The following SAE1 variants were observed in gnomAD, a reference collection of about 807,000 sequenced individuals.
The protein encoded by SAE1 is SUMO1 activating enzyme subunit 1, also known as SUMO-activating enzyme subunit 1.
Under a neutral mutation model 40.6 loss-of-function variants are expected in SAE1, and 11 were observed. That is an observed-to-expected ratio of 0.27 (90% CI 0.17 to 0.45). SAE1 has a LOEUF of 0.45. Ranked by LOEUF, SAE1 falls within the 20% of genes least tolerant of loss-of-function variation. SAE1 has a pLI of 1.00. For missense variants in SAE1, 373 were observed against 427.3 expected, an observed-to-expected ratio of 0.87 and a Z score of 1.12; for synonymous variants, 155 against 154.3, an observed-to-expected ratio of 1.00 and a Z score of -0.03.
intron 5 of SAE1, among the ~76,000 whole-genome samples, chr19:47,165,645 T>C (rs998890218): frequency 2.6e-5 from 4 of 152,194 alleles, no homozygotes; most frequent in African/African-American, 7.2e-5. Context: ...CGGGTGTATT[T>C]TTTCTTTATA....
chr19:47,158,075 C>G (rs1568592765), intron 5 of SAE1, among the ~76,000 whole-genome samples: 1 of 135,790 alleles, frequency 7.4e-6, no homozygotes, highest in Non-Finnish European at 1.5e-5. Flanking sequence ...GGGTTGTGCT[C>G]AGAGAGTGCA....
intron 2 of SAE1, among the ~76,000 whole-genome samples, chr19:47,144,856 G>T (rs747041045): frequency 2.0e-5 from 3 of 152,150 alleles, no homozygotes; most frequent in African/African-American, 7.2e-5. Flanking sequence ...TTTGCGAGAC[G>T]AGTCTTGCTG....
intron 6 of SAE1, among the ~76,000 whole-genome samples, chr19:47,181,058 T>G (rs1484584675): frequency 2.6e-5 from 4 of 152,122 alleles, no homozygotes; most frequent in Admixed American, 1.3e-4. Flanking sequence ...GGCTCACGCC[T>G]ATAATCCCAG....
intron 6 of SAE1, among the ~76,000 whole-genome samples, chr19:47,189,910 A>T (rs2058568997): frequency 6.6e-6 from 1 of 152,230 alleles, no homozygotes; most frequent in South Asian, 2.1e-4. Flanking sequence ...GATTCCCGTT[A>T]TAGCGCTAAC....
chr19:47,144,699 A>G (rs879395988), intron 2 of SAE1, among the ~76,000 whole-genome samples: 6 of 152,042 alleles, frequency 3.9e-5, no homozygotes, highest in Non-Finnish European at 8.8e-5. Flanking sequence ...ACTCCGTTTC[A>G]ACAACAACAA....
rs1390388705 is a variant in SAE1, at chr19:47,155,131, C to T, written c.545C>T (p.Ala182Val). The stretch of plus-strand genomic sequence containing the variant: ...CCCTCTAGGGAGAAAACTAAAGTTG[C>T]CAAAGTTAGCCAAGGAGTAGAAGAT... Reference protein sequence around the residue: ...HEFVEEKTKVAKVSQGVEDGP... With the variant: ...HEFVEEKTKVVKVSQGVEDGP... Residue 182 changes from alanine to valine, a missense_variant, in exon 5 of 9, where the codon GCC (alanine) becomes GTC (valine). Around this residue, in one of 3 missense-constraint regions of SAE1, gnomAD observed 351 missense variants for 390.6 expected, o/e 0.90. Transcript: ENST00000270225. 6.2e-7 allele frequency: 1 copy of T among 1,612,712 alleles called. No homozygotes were observed. The highest frequency in any genetic ancestry group is 2.2e-5 in the East Asian group (1 of 44,874).
At chr19:47,199,532 T>C (rs1350901684) in intron 7 of SAE1, among the ~76,000 whole-genome samples, 1 of 152,208 alleles carries the variant, frequency 6.6e-6, no homozygotes, top group East Asian at 1.9e-4. Flanking sequence ...AGCAGCTCGT[T>C]AGGCTGTGGC....
chr19:47,136,942 C>T (rs912767559), intron 1 of SAE1, among the ~76,000 whole-genome samples: 1 of 152,128 alleles, frequency 6.6e-6, no homozygotes, highest in Non-Finnish European at 1.5e-5. Flanking sequence ...TAGGAGAACT[C>T]TGGAGACTGG....
intron 6 of SAE1, among the ~76,000 whole-genome samples, chr19:47,186,707 C>T (rs893151330): frequency 3.3e-5 from 5 of 152,100 alleles, no homozygotes; most frequent in African/African-American, 7.2e-5. Context: ...ATGCAAATAG[C>T]GAGGCACAGC....
chr19:47,157,861 A>G (rs1335790570), intron 5 of SAE1, among the ~76,000 whole-genome samples: 1 of 152,022 alleles, frequency 6.6e-6, no homozygotes, highest in Non-Finnish European at 1.5e-5. Flanking sequence ...GGGATTCCAA[A>G]CCTTGCCTTT....
chr19:47,156,670 C>T (rs2058326590), intron 5 of SAE1, among the ~76,000 whole-genome samples: 1 of 152,048 alleles, frequency 6.6e-6, no homozygotes, highest in African/African-American at 2.4e-5. Flanking sequence ...AGGTGTGTGC[C>T]ACCACACCCA....
intron 5 of SAE1, among the ~76,000 whole-genome samples, chr19:47,155,669 T>A (rs2058318355): frequency 6.6e-6 from 1 of 151,798 alleles, no homozygotes; most frequent in African/African-American, 2.4e-5. Context: ...CTCGAACTCC[T>A]GACCTCAGGT....
At chr19:47,149,559 C>T (rs2058274881) in intron 2 of SAE1, among the ~76,000 whole-genome samples, 1 of 152,170 alleles carries the variant, frequency 6.6e-6, no homozygotes, top group Non-Finnish European at 1.5e-5. Context: ...TAGTTGGGCA[C>T]ATGCTAAGTA....
In SAE1 at chr19:47,142,676, A is replaced by G. The variant is rs545426448; in HGVS notation, c.99-818A>G. 2.0e-5 allele frequency: 3 copies of G among 152,300 alleles called. No individual in the cohort carries two copies. The East Asian group carries it at 5.8e-4, about 29-fold the overall frequency. The allele number at this position is 152,300 out of a possible 1,614,324, so 9.4% of individuals were successfully genotyped here. The stretch of plus-strand genomic sequence containing the variant: ...CAGCCTCTCTGTCATTCCTGTCCCT[A>G]GAACATGCCAAGCACTCCTGCTTCA... On this transcript the variant is annotated intron_variant, in intron 1 of 8. Transcript: ENST00000270225.
At chr19:47,133,387 G>T (rs1235739924) in intron 1 of SAE1, among the ~76,000 whole-genome samples, 1 of 152,140 alleles carries the variant, frequency 6.6e-6, no homozygotes, top group Non-Finnish European at 1.5e-5. Context: ...CACAACACCC[G>T]GCTAATCTTG....
Position 47,203,811 on chromosome 19 carries a change from A to G in SAE1, c.948+71A>G, listed in dbSNP as rs2058668902. ...ATATGTGCTGACAGAGAGAATGGAA[A>G]CTGTCTTAGACAGCTGCCTGCTTTC... On this transcript the variant is annotated intron_variant, in intron 8 of 8. Coordinates refer to ENST00000270225, the MANE Select transcript of SAE1 (RefSeq NM_005500.3). 3 of 1,308,136 alleles carry G rather than the reference A, an allele frequency of 2.3e-6. No homozygotes were observed. The Admixed American group carries it at 5.1e-5, about 22-fold the overall frequency. 81.0% of individuals were successfully genotyped at this position (1,308,136 alleles called of 1,614,324 possible).
chr19:47,186,707 C>G (rs893151330), intron 6 of SAE1, among the ~76,000 whole-genome samples: 2 of 152,100 alleles, frequency 1.3e-5, no homozygotes, highest in South Asian at 2.1e-4. Context: ...ATGCAAATAG[C>G]GAGGCACAGC....
rs957963098 is a variant in SAE1, at chr19:47,210,556, A to G, written c.*1305A>G. 1 of 152,248 alleles carries G rather than the reference A, an allele frequency of 6.6e-6. No individual in the cohort carries two copies. Among genetic ancestry groups the G allele is most frequent in the Non-Finnish European group, 1.5e-5 (1 of 68,058 alleles). The allele number at this position is 152,248 out of a possible 1,614,324, so 9.4% of individuals were successfully genotyped here. ...CCTTGATGCAGCCAAAGTGCGTTCC[A>G]GTTCACCCCACTCTTGCTTGTGTTT... On this transcript the variant is annotated 3_prime_UTR_variant, in exon 9 of 9. Coordinates refer to ENST00000270225, the MANE Select transcript of SAE1 (RefSeq NM_005500.3).
chr19:47,207,170 G>A (rs2123331315), intron 8 of SAE1, among the ~76,000 whole-genome samples: 1 of 152,308 alleles, frequency 6.6e-6, no homozygotes. Flanking sequence ...GAGCTGGGGA[G>A]ACGGAGGTTG....
Sources: gnomAD v4.1 joint callset for allele counts (sites outside exome capture counted in the v4.1 genomes callset) on GRCh38, gnomAD v4.1.1 for gene constraint, gnomAD v4.1.1 regional missense constraint, MANE v1.5 for transcripts, NCBI Gene and HGNC (gene_info 2026-07-23, HGNC 2026-07-21) for gene names.